Variants in VPS37D observed in about 807,000 individuals in gnomAD.
VPS37D encodes VPS37D subunit of ESCRT-I.
VPS37D carries 5 observed loss-of-function variants against 22.0 expected under a neutral mutation model. The observed-to-expected ratio is 0.23, with a 90% CI of 0.12 to 0.48. The LOEUF (loss-of-function observed/expected upper bound fraction) is 0.48, where lower values mean the gene tolerates loss of function less well. Among genes scored for constraint, VPS37D ranks in the 20% least tolerant of loss-of-function variants. The probability of loss-of-function intolerance (pLI) is 0.99; values close to 1 mark genes in which losing one functional copy is unlikely to be tolerated. For missense variants in VPS37D, 384 were observed against 345.8 expected (o/e 1.11, Z -0.88); for synonymous variants, 174 against 159.3 (o/e 1.09, Z -0.69).
chr7:73,670,453 TGTC>T (rs1461638264), intron 3 of VPS37D, among the ~76,000 whole-genome samples: 4 of 152,206 alleles, frequency 2.6e-5, no homozygotes, highest in African/African-American at 9.7e-5. Context: ...ACTTCACATA[TGTC>T]CCTGCCTCTG....
upstream of VPS37D, among the ~76,000 whole-genome samples, chr7:73,667,674 G>C (rs1554608888): frequency 4.6e-5 from 7 of 152,074 alleles, no homozygotes; most frequent in Admixed American, 4.6e-4. Flanking sequence ...CAGATTCCGG[G>C]AGGGGCGGGG....
In VPS37D at chr7:73,671,498, T is replaced by G; in HGVS notation, c.*122T>G. The G allele has an allele frequency of 5.3e-5, 10 of 188,320 alleles. No homozygotes were observed. Among genetic ancestry groups the G allele is most frequent in the Non-Finnish European group, 8.1e-5 (8 of 99,316 alleles). The allele number at this position is 188,320 out of a possible 1,614,324, so 11.7% of individuals were successfully genotyped here. A position where few individuals can be genotyped will look rare whatever the true frequency, so the allele number is the denominator to read the frequency against. On this transcript the variant is annotated 3_prime_UTR_variant, in exon 4 of 4. Transcript: ENST00000324941. Reference sequence around the variant, plus strand: ...CCTCCCCCTGGCCTCAGGCAGGCCCTGGCCCTGGAGGCTGAGCTGGGGAGG... The same window carrying G: ...CCTCCCCCTGGCCTCAGGCAGGCCCGGGCCCTGGAGGCTGAGCTGGGGAGG...
chr7:73,670,874 C>A, intron 3 of VPS37D, 140 bp from the exon 4 acceptor site: 4 of 1,249,082 alleles, frequency 3.2e-6, no homozygotes, highest in Non-Finnish European at 4.3e-6. Flanking sequence ...CGGAGGCAGG[C>A]CCAGGCTGGA....
At chr7:73,669,868 A>G (rs1797467654) in intron 2 of VPS37D, 152 bp from the exon 3 acceptor site, 6 of 1,377,592 alleles carry the variant, frequency 4.4e-6, no homozygotes, top group Non-Finnish European at 5.8e-6. Context: ...TAGGGGCCGG[A>G]TCCACAAAGC....
At chr7:73,669,302 C>A in intron 1 of VPS37D, 117 bp from the exon 2 acceptor site, 1 of 1,330,564 alleles carries the variant, frequency 7.5e-7, no homozygotes. Flanking sequence ...TGAAGGGGTG[C>A]CTGACAGGTG....
chr7:73,670,661 T>A (rs976176141), intron 3 of VPS37D, among the ~76,000 whole-genome samples: 2 of 151,762 alleles, frequency 1.3e-5, no homozygotes, highest in Non-Finnish European at 2.9e-5. Context: ...CAAAAAAAAA[T>A]TAGCCGGGCG....
chr7:73,667,892 C>A lies in VPS37D; in HGVS notation c.-67C>A. Reference sequence around the variant, plus strand: ...GGAGCCGGAGCGGAGCGGAGCGGAGCGGAGCCGGGGCGGAGCGGGCCGAGC... The same window carrying A: ...GGAGCCGGAGCGGAGCGGAGCGGAGAGGAGCCGGGGCGGAGCGGGCCGAGC... On this transcript the variant is annotated 5_prime_UTR_variant, in exon 1 of 4. Transcript: ENST00000324941. The A allele has an allele frequency of 5.6e-6, 3 of 537,972 alleles. No homozygotes were observed. Among genetic ancestry groups the A allele is most frequent in the Non-Finnish European group, 7.2e-6 (3 of 418,666 alleles). 33.3% of individuals were successfully genotyped at this position (537,972 alleles called of 1,614,324 possible).
chr7:73,670,798 ACT>A (rs1181708124), intron 3 of VPS37D, among the ~76,000 whole-genome samples: 8 of 146,496 alleles, frequency 5.5e-5, no homozygotes, highest in African/African-American at 2.0e-4. Flanking sequence ...CCACAGTGAG[ACT>A]CTGTCTCAGG....
chr7:73,667,890 A>AGCGGAGCGGGG lies in VPS37D; in HGVS notation c.-62_-61insGGGGGCGGAGC, dbSNP rs1228716269. On this transcript the variant is annotated 5_prime_UTR_variant, in exon 1 of 4. Transcript: ENST00000324941. The stretch of plus-strand genomic sequence containing the variant: ...CTGGAGCCGGAGCGGAGCGGAGCGG[A>AGCGGAGCGGGG]GCGGAGCCGGGGCGGAGCGGGCCGA... 2 of 505,976 alleles carry AGCGGAGCGGGG rather than the reference A, an allele frequency of 4.0e-6. No homozygotes were observed. 31.3% of individuals were successfully genotyped at this position (505,976 alleles called of 1,614,324 possible).
rs1340337919 is a variant in VPS37D at position 73,671,185 on chromosome 7, C to T, written c.565C>T (p.Pro189Ser). The T allele has an allele frequency of 3.1e-6, 5 of 1,599,204 alleles. No individual in the cohort carries two copies. The highest frequency in any genetic ancestry group is 1.3e-5 in the African/African-American group (1 of 74,632). The part of the protein sequence containing the change: ...AQPAPTSAAD[P>S]PKSFPAAAVL... ...GCCGGCCCCCACCTCGGCTGCTGAT[C>T]CCCCCAAATCCTTCCCGGCTGCAGC... is the stretch of plus-strand genomic sequence containing the variant. Residue 189 changes from proline (P) to serine (S), a missense_variant, in exon 4 of 4, where the codon CCC becomes TCC. Physicochemically the swap from Pro to Ser is moderately conservative, Grantham distance 74 (BLOSUM62 -1). Coordinates refer to ENST00000324941, the MANE Select transcript of VPS37D (RefSeq NM_001077621.2).
chr7:73,668,509 G>C (rs949288108), intron 1 of VPS37D, among the ~76,000 whole-genome samples: 1 of 151,818 alleles, frequency 6.6e-6, no homozygotes, highest in South Asian at 2.1e-4. Context: ...CACGCATTCT[G>C]GGGGCGCAAG....
intron 2 of VPS37D, 117 bp downstream of exon 2, chr7:73,669,707 G>C (rs1304682728): frequency 1.6e-6 from 2 of 1,261,090 alleles, no homozygotes; most frequent in Non-Finnish European, 2.2e-6. Flanking sequence ...CCTGCTCCTG[G>C]CTTGCTGGGC....
At chr7:73,668,185 C>CCGCGGGGCCGCCCGTGGG in intron 1 of VPS37D, 89 bp downstream of exon 1, 1 of 830,870 alleles carries the variant, frequency 1.2e-6, no homozygotes, top group Non-Finnish European at 1.5e-6. Context: ...GCGGGCCGGG[C>CCGCGGGGCCGCCCGTGGG]CGCGGGGCCG....
At chr7:73,668,139 CG>C in intron 1 of VPS37D, 43 bp downstream of exon 1, 1 of 1,050,282 alleles carries the variant, frequency 9.5e-7, no homozygotes, top group Admixed American at 5.4e-5. Context: ...GGACGGGCAG[CG>C]GCCTGCGGGA....
intron 3 of VPS37D, among the ~76,000 whole-genome samples, chr7:73,670,654 A>G (rs1554609544): frequency 6.6e-6 from 1 of 152,090 alleles, no homozygotes; most frequent in Non-Finnish European, 1.5e-5. Flanking sequence ...CAAAATACAA[A>G]AAAAAATTAG....
Position 73,669,468 on chromosome 7 carries a change from C to G in VPS37D, c.188C>G (p.Ala63Gly). The change falls in exon 2 of 4, where the codon GCG becomes GGG. Residue 63 changes from alanine to glycine, a missense_variant. Transcript: ENST00000324941. ...GAGGCCTGCCTGGCCTCCAACTACG[C>G]GCTGGCCAAGGAGAACCTGGCCCTG... ...EREACLASNY[A>G]LAKENLALRP... is the part of the protein sequence containing the mutation. 6.3e-6 allele frequency: 10 copies of G among 1,580,596 alleles called. No homozygotes were observed. Among genetic ancestry groups the G allele is most frequent in the Non-Finnish European group, 8.6e-6 (10 of 1,163,932 alleles).
rs782688060 is a variant in VPS37D at position 73,671,068 on chromosome 7, G to A, written c.448G>A (p.Ala150Thr). ...GCAAAGCCTGGAGGCCTTCCTGCCT[G>A]CCTTCCAGCGTGGCCGCGCCCTGGC... ...GEQSLEAFLP[A>T]FQRGRALAHL... The change falls in exon 4 of 4, where the codon GCC becomes ACC. Residue 150 changes from alanine (A) to threonine (T), a missense_variant. Coordinates refer to ENST00000324941, the MANE Select transcript of VPS37D (RefSeq NM_001077621.2). 1.9e-6 allele frequency: 3 copies of A among 1,611,930 alleles called. No individual in the cohort carries two copies. The highest frequency in any genetic ancestry group is 2.2e-5 in the South Asian group (2 of 91,038).
chr7:73,670,098 C>CA lies in VPS37D; in HGVS notation c.390dup (p.Glu131ArgfsTer58). The CA allele has an allele frequency of 6.4e-7, 1 of 1,550,416 alleles. No homozygotes were observed. Among genetic ancestry groups the CA allele is most frequent in the Non-Finnish European group, 8.7e-7 (1 of 1,146,710 alleles). On this transcript the variant is annotated frameshift_variant, in exon 3 of 4. Transcript: ENST00000324941. LOFTEE classifies it high-confidence loss of function. ...GAGCTAGAAGAGGCGGAGCAGGAGG[C>CA]AGAGGTGAGGGGAGGGGTGGCTGGG...
chr7:73,671,554 C>A lies in VPS37D; in HGVS notation c.*178C>A. On this transcript the variant is annotated 3_prime_UTR_variant, in exon 4 of 4. Transcript: ENST00000324941. ...CCCCTGGAAGAGGCCCGAGAGGGGG[C>A]TGGGGGTGGGTGGGCAGGGCTTTAT... 7.4e-6 allele frequency: 1 copy of A among 135,836 alleles called. No individual in the cohort carries two copies. Among genetic ancestry groups the A allele is most frequent in the East Asian group, 2.7e-4 (1 of 3,662 alleles). 8.4% of individuals were successfully genotyped at this position (135,836 alleles called of 1,614,324 possible).
Sources: gnomAD v4.1 joint callset for allele counts (sites outside exome capture counted in the v4.1 genomes callset) on GRCh38, gnomAD v4.1.1 for gene constraint, MANE v1.5 for transcripts, NCBI Gene and HGNC (gene_info 2026-07-23, HGNC 2026-07-21) for gene names.